Variants in MCF2L2 observed in about 807,000 individuals in gnomAD.
MCF2L2 encodes the protein probable guanine nucleotide exchange factor MCF2L2.
In MCF2L2, 102 loss-of-function variants were observed where a neutral mutation model predicts 150.2. The observed-to-expected ratio is 0.68, with a 90% confidence interval of 0.58 to 0.80. The LOEUF is 0.80. Among genes scored for constraint, MCF2L2 ranks in the 30% least tolerant of loss-of-function variants. The pLI, the probability that MCF2L2 is intolerant of heterozygous loss-of-function variation, is 0.00. For synonymous variants in MCF2L2, 465 were observed against 491.3 expected (o/e 0.95, Z 0.71); for missense variants, 1,256 against 1,372.8 (o/e 0.91, Z 1.34).
At chr3:183,243,774 G>A (rs1390440650) in intron 15 of MCF2L2, among the ~76,000 whole-genome samples, 4 of 152,138 alleles carry the variant, frequency 2.6e-5, no homozygotes, top group African/African-American at 7.2e-5. Flanking sequence ...GACTATCAGT[G>A]TTCTCCACAC....
chr3:183,401,381 C>T (rs995694060), intron 1 of MCF2L2, among the ~76,000 whole-genome samples: 1 of 152,090 alleles, frequency 6.6e-6, no homozygotes, highest in Non-Finnish European at 1.5e-5. Context: ...TCAGAGTAAG[C>T]CTTGCCATTG....
intron 27 of MCF2L2, among the ~76,000 whole-genome samples, chr3:183,184,929 T>C (rs545273608): frequency 4.6e-5 from 7 of 152,188 alleles, no homozygotes; most frequent in African/African-American, 1.2e-4. Context: ...TTTTCTTTTT[T>C]TTTTTTGAGA....
chr3:183,347,305 A>T (rs1388875049), intron 3 of MCF2L2, among the ~76,000 whole-genome samples: 1 of 152,244 alleles, frequency 6.6e-6, no homozygotes, highest in African/African-American at 2.4e-5. Flanking sequence ...AGCAATGGGG[A>T]AAGGATTCCC....
At chr3:183,204,740 G>C (rs1490363137) in intron 25 of MCF2L2, among the ~76,000 whole-genome samples, 3 of 151,968 alleles carry the variant, frequency 2.0e-5, no homozygotes, top group African/African-American at 7.3e-5. Flanking sequence ...TATCCAAAAA[G>C]GGGAAAAACC....
At chr3:183,278,206 A>G (rs1317604511) in intron 14 of MCF2L2, among the ~76,000 whole-genome samples, 2 of 148,906 alleles carry the variant, frequency 1.3e-5, no homozygotes, top group South Asian at 2.1e-4. Context: ...ATATATATAT[A>G]TATATTTTTT....
At chr3:183,220,012 T>C (rs1357101650) in intron 20 of MCF2L2, 88 bp from the exon 21 acceptor site, 30 of 905,264 alleles carry the variant, frequency 3.3e-5, no homozygotes, top group Non-Finnish European at 5.2e-5. Flanking sequence ...GTGCAAACTA[T>C]CTGCCACCAA....
Position 183,296,886 on chromosome 3 carries a change from C to CCT in MCF2L2, c.1497+88_1497+89dup. ...CCACTCAATTCAGCCTGCTCAGTAC[C>CCT]CTGTGTGTACTTTATCAGGAAGAAG... On this transcript the variant is annotated intron_variant, in intron 12 of 29. Coordinates refer to ENST00000328913, the MANE Select transcript of MCF2L2 (RefSeq NM_015078.4). 4 of 1,381,782 alleles carry CCT rather than the reference C, an allele frequency of 2.9e-6. No individual in the cohort carries two copies. The South Asian group carries it at 5.5e-5, about 19-fold the overall frequency. 85.6% of individuals were successfully genotyped at this position (1,381,782 alleles called of 1,614,324 possible).
chr3:183,385,833 A>G (rs1445908553), intron 2 of MCF2L2, among the ~76,000 whole-genome samples: 2 of 152,200 alleles, frequency 1.3e-5, no homozygotes, highest in East Asian at 3.9e-4. Flanking sequence ...GAATTCTGGA[A>G]TGAGACATAA....
At chr3:183,306,619 T>A (rs1304161105) in intron 10 of MCF2L2, among the ~76,000 whole-genome samples, 1 of 151,678 alleles carries the variant, frequency 6.6e-6, no homozygotes, top group Non-Finnish European at 1.5e-5. Context: ...AGGGATGGAG[T>A]GTGTGTATGG....
chr3:183,228,090 T>C (rs1477402956), intron 18 of MCF2L2: 30 of 514,312 alleles, frequency 5.8e-5, no homozygotes, highest in Non-Finnish European at 7.0e-6. Context: ...AGTAATCATT[T>C]CACAGGGTGT....
intron 14 of MCF2L2, among the ~76,000 whole-genome samples, chr3:183,278,193 AAT>A (rs201638839): frequency 0.026 from 3,644 of 140,356 alleles, 162 homozygotes; most frequent in African/African-American, 0.1. Context: ...CAAAAGAAAA[AAT>A]ATATATATAT....
intron 1 of MCF2L2, among the ~76,000 whole-genome samples, chr3:183,391,710 G>A (rs1039147702): frequency 6.6e-5 from 10 of 152,076 alleles, no homozygotes; most frequent in African/African-American, 1.7e-4. Flanking sequence ...CTCTTGCTAC[G>A]TTTCAAATTT....
intron 1 of MCF2L2, chr3:183,400,507 C>T (rs374988752): frequency 2.8e-5 from 13 of 456,186 alleles, no homozygotes; most frequent in Admixed American, 7.1e-5. Flanking sequence ...TTCCAGGAAA[C>T]GGCGCCACCT....
chr3:183,284,676 T>C (rs1331402316), intron 14 of MCF2L2, among the ~76,000 whole-genome samples: 1 of 151,318 alleles, frequency 6.6e-6, no homozygotes, highest in Non-Finnish European at 1.5e-5. Flanking sequence ...CACTCCAGCT[T>C]GGGCAACAAA....
In MCF2L2 at chr3:183,228,211, T is replaced by C. The variant is rs142274105; in HGVS notation, c.2115+86A>G. Reference sequence around the variant, plus strand: ...GGGAAGCAGATATGTTTTTAGACCATTGATGTTTCCATTTGTCCTTGCCAC... The same window carrying C: ...GGGAAGCAGATATGTTTTTAGACCACTGATGTTTCCATTTGTCCTTGCCAC... On this transcript the variant is annotated intron_variant, in intron 18 of 29. Coordinates refer to ENST00000328913, the MANE Select transcript of MCF2L2 (RefSeq NM_015078.4). 2.0e-3 allele frequency: 1,911 copies of C among 942,846 alleles called. 15 individuals are homozygous for C. In the African/African-American group the frequency reaches 0.027, roughly 13 times the overall value. The allele number at this position is 942,846 out of a possible 1,614,324, so 58.4% of individuals were successfully genotyped here.
rs534957258 is a variant in MCF2L2 at position 183,241,270 on chromosome 3, C to A, written c.1863-10253G>T. Among the ~76,000 whole-genome samples the A allele has an allele frequency of 8.5e-5, 13 of 152,152 alleles. No homozygotes were observed. In the East Asian group the frequency reaches 2.1e-3, roughly 25 times the overall value. ...GGGAATAGAAGAAGGAGGTTTGTCC[C>A]TAAGGGGAACAGTGTGGAGGAGGAA... On this transcript the variant is annotated intron_variant, in intron 15 of 29. Coordinates refer to ENST00000328913, the MANE Select transcript of MCF2L2 (RefSeq NM_015078.4).
chr3:183,383,140 TA>T (rs1713628469), intron 2 of MCF2L2, among the ~76,000 whole-genome samples: 1 of 152,184 alleles, frequency 6.6e-6, no homozygotes, highest in Non-Finnish European at 1.5e-5. Context: ...AGGCTTAATT[TA>T]AGTGAAAAAT....
At chr3:183,222,980 A>G (rs1298884745) in intron 20 of MCF2L2, among the ~76,000 whole-genome samples, 1 of 152,186 alleles carries the variant, frequency 6.6e-6, no homozygotes, top group Non-Finnish European at 1.5e-5. Flanking sequence ...AAAAGGATAG[A>G]AGACTTCAGT....
chr3:183,277,608 T>C (rs1363240660), intron 14 of MCF2L2, among the ~76,000 whole-genome samples: 1 of 151,800 alleles, frequency 6.6e-6, no homozygotes, highest in Non-Finnish European at 1.5e-5. Flanking sequence ...CCTGGGATAC[T>C]AGTTTTGCCA....
Sources: allele counts gnomAD v4.1 joint callset (sites outside exome capture counted in the v4.1 genomes callset), GRCh38; gene constraint gnomAD v4.1.1; transcripts MANE v1.5; gene names NCBI Gene and HGNC (gene_info 2026-07-23, HGNC 2026-07-21).